Variants in ESPL1 observed in about 807,000 individuals in gnomAD.
ESPL1 encodes the protein separin.
ESPL1 carries 50 observed loss-of-function variants against 217.2 expected under a neutral mutation model. The observed-to-expected ratio is 0.23, with a 90% confidence interval of 0.18 to 0.29. The LOEUF is 0.29. ESPL1 is among the 10% of genes least tolerant of loss of function. The pLI is 1.00. For missense variants in ESPL1, 1,834 were observed against 2,603.0 expected (o/e 0.70, Z 6.43); for synonymous variants, 994 against 1,081.3 (o/e 0.92, Z 1.58).
At chr12:53,290,649 T>C (rs367869522) in intron 24 of ESPL1, among the ~76,000 whole-genome samples, 180 bp downstream of exon 24, 1 of 152,258 alleles carries the variant, frequency 6.6e-6, no homozygotes, top group African/African-American at 2.4e-5. Flanking sequence ...ACTTGAAGAA[T>C]ATATGGGAAT....
chr12:53,290,161 G>T lies in ESPL1; in HGVS notation c.5190G>T (p.Leu1730=), dbSNP rs1944027003. Residue 1730 remains leucine (L), a synonymous_variant, in exon 23 of 31, where the codon CTG becomes CTT. Coordinates refer to ENST00000257934, the MANE Select transcript of ESPL1 (RefSeq NM_012291.5). ...TVGNTLLLTR[L]EKDSPPVSVQ... Reference sequence around the variant, plus strand: ...GCAACACCCTCCTGCTGACCCGGCTGGAAAAGGACAGTCCCCCAGTCAGTG... The same window carrying T: ...GCAACACCCTCCTGCTGACCCGGCTTGAAAAGGACAGTCCCCCAGTCAGTG... The T allele has an allele frequency of 9.3e-6, 15 of 1,614,042 alleles. No homozygotes were observed. In the East Asian group the frequency reaches 3.3e-4, roughly 36 times the overall value.
Position 53,282,467 on chromosome 12 carries a change from A to G in ESPL1, c.2791+32A>G. On this transcript the variant is annotated intron_variant, in intron 14 of 30. Coordinates refer to ENST00000257934, the MANE Select transcript of ESPL1 (RefSeq NM_012291.5). This position sits in a 1 kb window ranked among gnomAD's most constrained non-coding sequence, Gnocchi z 4.0. ...GAATAGGGTGGATGGCCCCCCTTGG[A>G]TGACATGTATGGTCTGTCTGCTGTC... The G allele has an allele frequency of 6.3e-7, 1 of 1,593,922 alleles. No homozygotes were observed. Among genetic ancestry groups the G allele is most frequent in the South Asian group, 1.1e-5 (1 of 90,412 alleles).
At position 53,268,326 on chromosome 12, in the gene ESPL1, C is replaced by CT. The variant is rs1006177875; in HGVS notation, c.-63dup. ...TTACATTTTGGATCCTCGCGGAGTACTGGTCAGGCGGTTAAGTCCTGTACC... is the reference window on the plus strand; with the variant it reads ...TTACATTTTGGATCCTCGCGGAGTACTTGGTCAGGCGGTTAAGTCCTGTACC... On this transcript the variant is annotated 5_prime_UTR_variant, in exon 1 of 31. Coordinates refer to ENST00000257934, the MANE Select transcript of ESPL1 (RefSeq NM_012291.5). 1.9e-5 allele frequency: 3 copies of CT among 155,882 alleles called. No individual in the cohort carries two copies. The highest frequency in any genetic ancestry group is 7.2e-5 in the African/African-American group (3 of 41,558). The allele number at this position is 155,882 out of a possible 1,614,324, so 9.7% of individuals were successfully genotyped here.
chr12:53,291,885 G>T, intron 26 of ESPL1, 25 bp downstream of exon 26: 1 of 1,586,902 alleles, frequency 6.3e-7, no homozygotes, highest in Non-Finnish European at 8.6e-7. Context: ...CAGAGGGGCA[G>T]TGTCTAGTGG....
At chr12:53,290,005 T>C in intron 22 of ESPL1, 80 bp from the exon 23 acceptor site, 1 of 1,518,294 alleles carries the variant, frequency 6.6e-7, no homozygotes, top group Non-Finnish European at 9.0e-7. Context: ...GCTTGAGTGA[T>C]GGATAGGAAT....
chr12:53,275,021 G>A lies in ESPL1; in HGVS notation c.1700+11G>A, dbSNP rs756967197. 1 of 1,509,332 alleles carries A rather than the reference G, an allele frequency of 6.6e-7. No individual in the cohort carries two copies. Among genetic ancestry groups the A allele is most frequent in the Non-Finnish European group, 8.8e-7 (1 of 1,131,086 alleles). 93.5% of individuals were successfully genotyped at this position (1,509,332 alleles called of 1,614,324 possible). ...GGAGCTACAGCTAAAGTGAGTTGAG[G>A]GCCAGACGCAGTGGCTCATGCTTGT... On this transcript the variant is annotated intron_variant, in intron 7 of 30. Coordinates refer to ENST00000257934, the MANE Select transcript of ESPL1 (RefSeq NM_012291.5).
chr12:53,281,879 T>C (rs7313752), intron 13 of ESPL1, among the ~76,000 whole-genome samples: 146,789 of 152,244 alleles, frequency 0.96, 70,976 homozygotes, highest in East Asian at 1. Flanking sequence ...GCTGGGACAA[T>C]GGTGATCCTG....
chr12:53,269,501 G>T lies in ESPL1; in HGVS notation c.559G>T (p.Val187Phe), dbSNP rs773430987. Residue 187 changes from valine (V) to phenylalanine (F), a missense_variant, in exon 3 of 31, where the codon GTT becomes TTT. Transcript: ENST00000257934. The surrounding 1 kb of genome is among the most constrained non-coding windows in gnomAD (Gnocchi z 6.7). ...GGAGGATGAAAGTACCCCTTGTGAG[G>T]TTCCTCACTTTGCTTCTCCAACAGC... ...LLEDESTPCE[V>F]PHFASPTACR... The T allele has an allele frequency of 6.8e-6, 11 of 1,614,106 alleles. No homozygotes were observed. The South Asian group carries it at 8.8e-5, about 13-fold the overall frequency.
rs1944027003 is a variant in ESPL1, at chr12:53,290,161, G to A, written c.5190G>A (p.Leu1730=). 1 of 1,614,042 alleles carries A rather than the reference G, an allele frequency of 6.2e-7. No individual in the cohort carries two copies. Among genetic ancestry groups the A allele is most frequent in the Non-Finnish European group, 8.5e-7 (1 of 1,180,026 alleles). The change falls in exon 23 of 31, where the codon CTG becomes CTA. Residue 1730 remains leucine (L), a synonymous_variant. Transcript: ENST00000257934. The stretch of plus-strand genomic sequence containing the variant: ...GCAACACCCTCCTGCTGACCCGGCT[G>A]GAAAAGGACAGTCCCCCAGTCAGTG... ...TVGNTLLLTR[L]EKDSPPVSVQ...
chr12:53,272,794 G>A lies in ESPL1; in HGVS notation c.1443G>A (p.Glu481=). 6.2e-7 allele frequency: 1 copy of A among 1,614,156 alleles called. No individual in the cohort carries two copies. Residue 481 remains glutamate (E), a synonymous_variant, in exon 6 of 31, where the codon GAG becomes GAA. Coordinates refer to ENST00000257934, the MANE Select transcript of ESPL1 (RefSeq NM_012291.5). ...ATGCCGAGGCCTGTGCCATCTCTGAGCCGCTCTGTCAGCACCTGGGTTTGG... is the reference window on the plus strand; with the variant it reads ...ATGCCGAGGCCTGTGCCATCTCTGAACCGCTCTGTCAGCACCTGGGTTTGG... ...KLYAEACAIS[E]PLCQHLGLVK...
Position 53,286,244 on chromosome 12 carries a change from G to A in ESPL1, c.3508G>A (p.Val1170Met), listed in dbSNP as rs780884459. The change falls in exon 18 of 31, where the codon GTG becomes ATG. Residue 1170 changes from valine (V) to methionine (M), a missense_variant. Transcript: ENST00000257934. The surrounding 1 kb of genome is among the most constrained non-coding windows in gnomAD (Gnocchi z 5.3). The part of the protein sequence containing the change: ...CLRWVLVTAG[V>M]RLAMGHQAQG... ...GCGCTGGGTATTGGTCACGGCAGGG[G>A]TGAGGCTGGCCATGGGCCACCAAGC... The A allele has an allele frequency of 6.2e-7, 1 of 1,614,270 alleles. No homozygotes were observed. The highest frequency in any genetic ancestry group is 1.1e-5 in the South Asian group (1 of 91,090).
Position 53,288,710 on chromosome 12 carries a change from G to A in ESPL1, c.4708+11G>A, listed in dbSNP as rs923920798. On this transcript the variant is annotated intron_variant, in intron 20 of 30. Coordinates refer to ENST00000257934, the MANE Select transcript of ESPL1 (RefSeq NM_012291.5). ...CCCCCGTAGCCACTGGTGAATATGC[G>A]ACCCCTGATGTTGGTCACTTGGAGA... is the stretch of plus-strand genomic sequence containing the variant. 5.0e-6 allele frequency: 8 copies of A among 1,603,064 alleles called. No individual in the cohort carries two copies. The highest frequency in any genetic ancestry group is 4.0e-5 in the African/African-American group (3 of 74,370).
rs1467712145 is a variant in ESPL1 at position 53,277,582 on chromosome 12, T to C, written c.2198T>C (p.Ile733Thr). Residue 733 changes from isoleucine (I) to threonine (T), a missense_variant, in exon 10 of 31, where the codon ATT becomes ACT. Ile to Thr is a moderately conservative substitution (Grantham distance 89). Around this residue, in one of 5 missense-constraint regions of ESPL1, gnomAD observed 746 missense variants for 1,077.0 expected, o/e 0.69. Coordinates refer to ENST00000257934, the MANE Select transcript of ESPL1 (RefSeq NM_012291.5). ...GAAGATCGTTTCCTATACAGTAACA[T>C]TGCCTTCAACCTGGCTGCAGATGCT... ...LQEDRFLYSN[I>T]AFNLAADAAQ... is the part of the protein sequence containing the mutation. 6.2e-7 allele frequency: 1 copy of C among 1,614,164 alleles called. No homozygotes were observed. Among genetic ancestry groups the C allele is most frequent in the Admixed American group, 1.7e-5 (1 of 60,024 alleles).
intron 4 of ESPL1, 22 bp downstream of exon 4, chr12:53,270,504 A>G: frequency 4.4e-6 from 7 of 1,591,446 alleles, no homozygotes; most frequent in Non-Finnish European, 6.0e-6. Context: ...GAATCAAGGT[A>G]CCTGGACTAG....
chr12:53,275,228 C>T (rs1172311887), intron 7 of ESPL1, among the ~76,000 whole-genome samples: 4 of 152,114 alleles, frequency 2.6e-5, no homozygotes, highest in African/African-American at 4.8e-5. Flanking sequence ...TTTGGGAGGC[C>T]GAGGCGGGCA....
chr12:53,268,705 T>A, intron 1 of ESPL1, 50 bp from the exon 2 acceptor site: 1 of 1,141,278 alleles, frequency 8.8e-7, no homozygotes, highest in Non-Finnish European at 1.3e-6. Context: ...CTTCCCTTCC[T>A]CCAGTTAGCT....
intron 5 of ESPL1, among the ~76,000 whole-genome samples, chr12:53,272,086 CAAAAAAA>C (rs33920201): frequency 1.5e-5 from 2 of 137,152 alleles, no homozygotes; most frequent in South Asian, 4.6e-4. Flanking sequence ...GACTCTGTCT[CAAAAAAA>C]AAAAAAAAAA....
In ESPL1 at chr12:53,292,925, A is replaced by T; in HGVS notation, c.6116A>T (p.Asn2039Ile). 6.2e-7 allele frequency: 1 copy of T among 1,613,902 alleles called. No homozygotes were observed. Among genetic ancestry groups the T allele is most frequent in the Non-Finnish European group, 8.5e-7 (1 of 1,180,008 alleles). Residue 2039 changes from asparagine (N) to isoleucine (I), a missense_variant, in exon 30 of 31, where the codon AAC becomes ATC. Physicochemically the swap from Asn to Ile is moderately radical, Grantham distance 149 (BLOSUM62 -3). Transcript: ENST00000257934. The surrounding 1 kb of genome is among the most constrained non-coding windows in gnomAD (Gnocchi z 4.5). ...AGTGCGGCCCTGGCTGTGCGTGGAAACCTGGAGGGGGCTGGCATCGTGCTC... is the reference window on the plus strand; with the variant it reads ...AGTGCGGCCCTGGCTGTGCGTGGAATCCTGGAGGGGGCTGGCATCGTGCTC... ...CSSAALAVRG[N>I]LEGAGIVLKY...
In ESPL1 at chr12:53,269,827, G is replaced by C. The variant is rs749124020; in HGVS notation, c.885G>C (p.Gln295His). 9.9e-6 allele frequency: 16 copies of C among 1,614,108 alleles called. No homozygotes were observed. The highest frequency in any genetic ancestry group is 4.5e-5 in the East Asian group (2 of 44,890). The change falls in exon 3 of 31, where the codon CAG (glutamine) becomes CAC (histidine). Residue 295 changes from glutamine (Q) to histidine (H), a missense_variant. Physicochemically the swap from Gln to His is conservative, Grantham distance 24 (BLOSUM62 0). Transcript: ENST00000257934. The surrounding 1 kb of genome is among the most constrained non-coding windows in gnomAD (Gnocchi z 6.7). ...TNLAPSLQLCQLGVKLLQVGE... is the reference protein window; with the variant it reads ...TNLAPSLQLCHLGVKLLQVGE... ...TAGCCCCTAGCCTTCAGCTATGTCA[G>C]CTGGGGGTTAAGCTGCTGCAGGTTG...
Sources: allele counts gnomAD v4.1 joint callset (sites outside exome capture counted in the v4.1 genomes callset), GRCh38; gene constraint gnomAD v4.1.1; regional missense constraint gnomAD v4.1.1; non-coding constraint Gnocchi (gnomAD v3.1); transcripts MANE v1.5; gene names NCBI Gene and HGNC (gene_info 2026-07-23, HGNC 2026-07-21).